FBXW7: variants seen among roughly 807,000 people sequenced by gnomAD.
FBXW7 encodes F-box and WD repeat domain containing 7, also known as F-box/WD repeat-containing protein 7.
FBXW7 carries 11 observed loss-of-function variants against 86.3 expected under a neutral mutation model. That is an observed-to-expected ratio of 0.13 (90% CI 0.08 to 0.21). The LOEUF (loss-of-function observed/expected upper bound fraction) is 0.21, where lower values mean the gene tolerates loss of function less well. FBXW7 is among the 10% of genes least tolerant of loss of function. FBXW7 has a pLI of 1.00. For missense variants in FBXW7, 488 were observed against 847.4 expected, an observed-to-expected ratio of 0.58 and a Z score of 5.27; for synonymous variants, 313 against 297.9, an observed-to-expected ratio of 1.05 and a Z score of -0.52.
chr4:152,459,405 T>C (rs757680614), intron 2 of FBXW7, among the ~76,000 whole-genome samples: 19 of 152,216 alleles, frequency 1.2e-4, no homozygotes, highest in African/African-American at 1.9e-4. Flanking sequence ...TACAGTATCA[T>C]AGCCAAATCA....
chr4:152,355,520 T>C (rs1732286507), intron 4 of FBXW7, among the ~76,000 whole-genome samples: 1 of 152,172 alleles, frequency 6.6e-6, no homozygotes, highest in Non-Finnish European at 1.5e-5. Flanking sequence ...TCTATATTTT[T>C]AGAATTACTA....
intron 2 of FBXW7, among the ~76,000 whole-genome samples, chr4:152,527,490 G>A (rs775456480): frequency 2.6e-5 from 4 of 152,082 alleles, no homozygotes; most frequent in African/African-American, 9.7e-5. Context: ...CACTCTGACC[G>A]GGCACTGTGG....
At position 152,518,524 on chromosome 4, in the gene FBXW7, C is replaced by A. The variant is rs76612218; in HGVS notation, c.-120+16417G>T. Among the ~76,000 whole-genome samples the A allele has an allele frequency of 4.6e-3, 701 of 152,222 alleles. 2 individuals are homozygous for A. The highest frequency in any genetic ancestry group is 8.1e-3 in the Non-Finnish European group (548 of 68,004). ...GATGCCCAGGCTGGTCTCCAACTCC[C>A]GGCCTAAAGCAATCCTTTTGCCTCA... is the stretch of plus-strand genomic sequence containing the variant. On this transcript the variant is annotated intron_variant, in intron 2 of 13. Transcript: ENST00000281708.
At chr4:152,350,979 A>AT (rs1025070028) in intron 4 of FBXW7, among the ~76,000 whole-genome samples, 1 of 152,022 alleles carries the variant, frequency 6.6e-6, no homozygotes, top group African/African-American at 2.4e-5. Flanking sequence ...TCATTTGACT[A>AT]TATGTATATT....
chr4:152,484,863 G>A (rs190060743), intron 2 of FBXW7, among the ~76,000 whole-genome samples: 13 of 151,784 alleles, frequency 8.6e-5, no homozygotes, highest in African/African-American at 3.1e-4. Context: ...TTGGGAAGCT[G>A]AGGCAGGAGA....
At chr4:152,464,144 A>C (rs1743201680) in intron 2 of FBXW7, among the ~76,000 whole-genome samples, 1 of 152,232 alleles carries the variant, frequency 6.6e-6, no homozygotes, top group Non-Finnish European at 1.5e-5. Flanking sequence ...ACACTTAAGA[A>C]AGCTGAACAC....
chr4:152,433,309 T>C (rs953566433), intron 2 of FBXW7, among the ~76,000 whole-genome samples: 5 of 152,204 alleles, frequency 3.3e-5, no homozygotes, highest in Non-Finnish European at 5.9e-5. Flanking sequence ...AATGGTACCA[T>C]TTTACACTTC....
At chr4:152,410,020 C>A (rs1176593297) in intron 4 of FBXW7, among the ~76,000 whole-genome samples, 3 of 152,072 alleles carry the variant, frequency 2.0e-5, no homozygotes, top group Non-Finnish European at 4.4e-5. Flanking sequence ...AGGTTTCCTA[C>A]AGAATATAAG....
intron 2 of FBXW7, among the ~76,000 whole-genome samples, chr4:152,516,170 C>G (rs1748470701): frequency 6.6e-6 from 1 of 152,226 alleles, no homozygotes; most frequent in Admixed American, 6.5e-5. Flanking sequence ...CCAATAGAAA[C>G]TGTAAGATAA....
chr4:152,411,124 T>C (rs1208064455), intron 4 of FBXW7, 179 bp downstream of exon 4: 1 of 1,013,170 alleles, frequency 9.9e-7, no homozygotes, highest in Non-Finnish European at 1.3e-6. Flanking sequence ...TGTCCCATTA[T>C]CAGTATTTCT....
At chr4:152,502,578 ATAAT>A (rs1401694153) in intron 2 of FBXW7, among the ~76,000 whole-genome samples, 2 of 152,038 alleles carry the variant, frequency 1.3e-5, no homozygotes, top group Non-Finnish European at 2.9e-5. Context: ...TATTTTGAAT[ATAAT>A]TAATTTTCTT....
intron 2 of FBXW7, among the ~76,000 whole-genome samples, chr4:152,424,865 G>C: frequency 6.6e-6 from 1 of 152,170 alleles, no homozygotes; most frequent in South Asian, 2.1e-4. Context: ...CTTCTTTCTT[G>C]AAATTTAAAA....
intron 2 of FBXW7, among the ~76,000 whole-genome samples, chr4:152,524,185 T>C (rs1749282863): frequency 6.6e-6 from 1 of 152,230 alleles, no homozygotes; most frequent in Admixed American, 6.5e-5. Flanking sequence ...ACTATTATTA[T>C]CATCCCAGTT....
intron 2 of FBXW7, among the ~76,000 whole-genome samples, chr4:152,513,804 G>C (rs747671195): frequency 3.9e-5 from 6 of 152,162 alleles, no homozygotes; most frequent in Non-Finnish European, 8.8e-5. Context: ...TAACCTATGA[G>C]AGTCAAACAG....
intron 2 of FBXW7, among the ~76,000 whole-genome samples, chr4:152,465,843 CAAAAA>C (rs33966110): frequency 1.7e-5 from 2 of 117,258 alleles, no homozygotes; most frequent in Admixed American, 8.8e-5. Context: ...GACTCTTTCT[CAAAAA>C]AAAAAAAAAA....
intron 2 of FBXW7, among the ~76,000 whole-genome samples, chr4:152,486,057 G>A (rs1335772019): frequency 1.3e-5 from 2 of 152,118 alleles, no homozygotes; most frequent in Non-Finnish European, 2.9e-5. Context: ...CCTGGTAACT[G>A]TAACATGGTG....
chr4:152,384,756 C>T (rs1735387370), intron 4 of FBXW7, among the ~76,000 whole-genome samples: 3 of 151,616 alleles, frequency 2.0e-5, no homozygotes, highest in Non-Finnish European at 2.9e-5. Context: ...ATAATCATCA[C>T]CAAAAAAACC....
intron 6 of FBXW7, among the ~76,000 whole-genome samples, chr4:152,345,010 A>G (rs1731115772): frequency 6.6e-6 from 1 of 152,190 alleles, no homozygotes; most frequent in Admixed American, 6.6e-5. Context: ...AAATCATGTG[A>G]TATGAAATCA....
chr4:152,516,882 G>GT (rs1423194485), intron 2 of FBXW7, among the ~76,000 whole-genome samples: 109 of 152,294 alleles, frequency 7.2e-4, no homozygotes, highest in African/African-American at 2.4e-3. Context: ...CTGGACTGCA[G>GT]TAGCACCATC....
Sources: gnomAD v4.1 joint callset for allele counts (sites outside exome capture counted in the v4.1 genomes callset) on GRCh38, gnomAD v4.1.1 for gene constraint, MANE v1.5 for transcripts, NCBI Gene and HGNC (gene_info 2026-07-23, HGNC 2026-07-21) for gene names.